CNTN4: variants seen among roughly 807,000 people sequenced by gnomAD.
The protein encoded by CNTN4 is contactin-4.
A neutral mutation model predicts 122.5 loss-of-function variants in CNTN4; 77 were observed. The ratio of observed to expected loss-of-function variants is 0.63; its 90% confidence interval spans 0.52 to 0.76. CNTN4 has a LOEUF of 0.76. Among genes scored for constraint, CNTN4 ranks in the 30% least tolerant of loss-of-function variants. CNTN4 has a pLI of 0.00. For synonymous variants in CNTN4, 512 were observed against 447.0 expected, an observed-to-expected ratio of 1.15 and a Z score of -1.83; for missense variants, 1,256 against 1,259.1, an observed-to-expected ratio of 1.00 and a Z score of 0.04.
intron 4 of CNTN4, among the ~76,000 whole-genome samples, chr3:2,594,514 G>C (rs1242018821): frequency 1.3e-5 from 2 of 150,630 alleles, no homozygotes; most frequent in Non-Finnish European, 2.9e-5. Context: ...CCTCTCCCAG[G>C]CTCAAGCAAT....
intron 3 of CNTN4, among the ~76,000 whole-genome samples, chr3:2,561,410 A>G (rs916065417): frequency 6.6e-6 from 1 of 152,164 alleles, no homozygotes; most frequent in African/African-American, 2.4e-5. Context: ...AGCATGGGAA[A>G]GAGCAGGGTT....
chr3:2,264,401 C>A (rs2040959982), intron 2 of CNTN4, among the ~76,000 whole-genome samples: 1 of 151,910 alleles, frequency 6.6e-6, no homozygotes, highest in Admixed American at 6.6e-5. Context: ...TACCCATTGG[C>A]CATTTGTTTG....
chr3:2,195,984 C>G (rs2037814261), intron 2 of CNTN4, among the ~76,000 whole-genome samples: 1 of 151,220 alleles, frequency 6.6e-6, no homozygotes, highest in South Asian at 2.1e-4. Context: ...ACATGTTTGT[C>G]TGATCCATTT....
intron 2 of CNTN4, among the ~76,000 whole-genome samples, chr3:2,166,396 TG>T (rs1336376404): frequency 6.6e-6 from 1 of 152,096 alleles, no homozygotes; most frequent in Non-Finnish European, 1.5e-5. Flanking sequence ...TGCTGATTCC[TG>T]GAGTCCAAAG....
chr3:2,287,355 A>G (rs1295752262), intron 2 of CNTN4, among the ~76,000 whole-genome samples: 2 of 152,000 alleles, frequency 1.3e-5, no homozygotes, highest in African/African-American at 4.8e-5. Flanking sequence ...TTATCCTAAC[A>G]CTTTGGGAGG....
At chr3:2,874,852 C>T (rs1252925246) in intron 8 of CNTN4, among the ~76,000 whole-genome samples, 5 of 152,168 alleles carry the variant, frequency 3.3e-5, no homozygotes, top group Non-Finnish European at 7.3e-5. Context: ...CAAACTCTTT[C>T]CCACAGGCCA....
chr3:2,172,745 G>A (rs1427706916), intron 2 of CNTN4, among the ~76,000 whole-genome samples: 2 of 152,168 alleles, frequency 1.3e-5, no homozygotes, highest in Non-Finnish European at 2.9e-5. Flanking sequence ...GATTGCAGGA[G>A]ACTGACAGTG....
chr3:2,351,587 C>T (rs771574625), intron 3 of CNTN4, among the ~76,000 whole-genome samples: 2 of 152,102 alleles, frequency 1.3e-5, no homozygotes, highest in African/African-American at 4.8e-5. Context: ...ATACATTCCC[C>T]GTGGAGTAGG....
chr3:2,215,389 G>T (rs553295157), intron 2 of CNTN4, among the ~76,000 whole-genome samples: 140 of 152,214 alleles, frequency 9.2e-4, no homozygotes, highest in African/African-American at 2.7e-3. Flanking sequence ...GTACTACTGG[G>T]CATTTAAGCT....
At chr3:2,218,298 G>A (rs770772316) in intron 2 of CNTN4, among the ~76,000 whole-genome samples, 4 of 152,084 alleles carry the variant, frequency 2.6e-5, no homozygotes, top group Admixed American at 6.5e-5. Context: ...TAAAATAATA[G>A]GATATATTTT....
At chr3:2,715,693 C>T (rs1375207893) in intron 4 of CNTN4, among the ~76,000 whole-genome samples, 2 of 152,312 alleles carry the variant, frequency 1.3e-5, no homozygotes, top group East Asian at 3.9e-4. Flanking sequence ...GACTTCCTTT[C>T]TGGTGAGGGC....
intron 7 of CNTN4, among the ~76,000 whole-genome samples, chr3:2,860,381 G>A (rs1173171087): frequency 6.6e-6 from 1 of 152,126 alleles, no homozygotes; most frequent in African/African-American, 2.4e-5. Context: ...TGTCATCCCT[G>A]CTCTACTCAG....
At chr3:2,744,888 T>A (rs2089669688) in intron 5 of CNTN4, among the ~76,000 whole-genome samples, 2 of 152,328 alleles carry the variant, frequency 1.3e-5, no homozygotes, top group African/African-American at 4.8e-5. Flanking sequence ...TTTGCCCCGA[T>A]AACCTAATAG....
chr3:2,957,787 G>T (rs992366866), intron 13 of CNTN4, among the ~76,000 whole-genome samples: 1 of 149,178 alleles, frequency 6.7e-6, no homozygotes, highest in Non-Finnish European at 1.5e-5. Flanking sequence ...TTTATATGCC[G>T]CATAGTATTC....
At chr3:2,441,232 C>G (rs575445101) in intron 3 of CNTN4, among the ~76,000 whole-genome samples, 120 of 152,220 alleles carry the variant, frequency 7.9e-4, no homozygotes, top group African/African-American at 2.7e-3. Context: ...TTGGAAAAAT[C>G]CGAGGGAGCT....
intron 4 of CNTN4, among the ~76,000 whole-genome samples, chr3:2,723,490 C>T (rs2087996906): frequency 6.6e-6 from 1 of 152,152 alleles, no homozygotes; most frequent in South Asian, 2.1e-4. Context: ...GTGAGGGCTG[C>T]TCTGTGCTTC....
rs577546880 is a variant in CNTN4, at chr3:2,771,116, A to G, written c.358+25419A>G. Among the ~76,000 whole-genome samples, 79 of 152,354 alleles carry G rather than the reference A, an allele frequency of 5.2e-4. 1 individual carries two copies. The Middle Eastern group carries it at 0.02, about 39-fold the overall frequency. On this transcript the variant is annotated intron_variant, in intron 6 of 24. Coordinates refer to ENST00000418658, the MANE Select transcript of CNTN4 (RefSeq NM_175607.3). ...CAGCACTTAAAGCAAAATGACTGTC[A>G]TTAAAGTTACCCTCAGAATTCTCTT...
rs759954968 is a variant in CNTN4, at chr3:2,310,879, C to T, written c.-144-28299C>T. 1.2e-4 allele frequency among the ~76,000 whole-genome samples: 19 copies of T among 152,202 alleles called. No individual in the cohort carries two copies. The East Asian group carries it at 1.5e-3, about 12-fold the overall frequency. Reference sequence around the variant, plus strand: ...CTGCCAGTGCTTGAGTGCACAAATCCGGTTAACTCTCAAATGATAGCTATT... The same window carrying T: ...CTGCCAGTGCTTGAGTGCACAAATCTGGTTAACTCTCAAATGATAGCTATT... On this transcript the variant is annotated intron_variant, in intron 2 of 24. Transcript: ENST00000418658.
chr3:2,261,379 T>C (rs915914095), intron 2 of CNTN4, among the ~76,000 whole-genome samples: 3 of 152,174 alleles, frequency 2.0e-5, no homozygotes, highest in Non-Finnish European at 1.5e-5. Context: ...CTTAATGGCA[T>C]GGATATGTTA....
Sources: gnomAD v4.1 joint callset for allele counts (sites outside exome capture counted in the v4.1 genomes callset) on GRCh38, gnomAD v4.1.1 for gene constraint, MANE v1.5 for transcripts, NCBI Gene and HGNC (gene_info 2026-07-23, HGNC 2026-07-21) for gene names.